Variants in CLTC observed in about 807,000 individuals in gnomAD.
CLTC encodes the protein clathrin heavy chain 1.
Under a neutral mutation model 195.8 loss-of-function variants are expected in CLTC, and 16 were observed. That is an observed-to-expected ratio of 0.08 (90% confidence interval 0.06 to 0.12). The LOEUF is 0.12. CLTC is among the 10% of genes least tolerant of loss of function. The probability of loss-of-function intolerance (pLI) is 1.00; values close to 1 mark genes in which losing one functional copy is unlikely to be tolerated. For missense variants in CLTC, 796 were observed against 2,027.0 expected (o/e 0.39, Z 11.66); for synonymous variants, 667 against 689.4 (o/e 0.97, Z 0.51).
At chr17:59,684,100 G>C in intron 28 of CLTC, 115 bp downstream of exon 28, 1 of 637,074 alleles carries the variant, frequency 1.6e-6, no homozygotes. Flanking sequence ...TGCATACCTA[G>C]GATCTAAATT....
chr17:59,623,847 A>C (rs2031460979), intron 1 of CLTC, among the ~76,000 whole-genome samples: 2 of 152,150 alleles, frequency 1.3e-5, no homozygotes, highest in African/African-American at 2.4e-5. Flanking sequence ...TGAAAAACTA[A>C]ATTTTTGCTT....
At chr17:59,651,068 G>A in intron 4 of CLTC, 135 bp from the exon 5 acceptor site, 1 of 597,340 alleles carries the variant, frequency 1.7e-6, no homozygotes, top group Non-Finnish European at 3.0e-6. Context: ...CCATGGTATG[G>A]ATGTAACCAA....
chr17:59,636,594 T>C (rs1339970010), intron 1 of CLTC, among the ~76,000 whole-genome samples: 1 of 151,776 alleles, frequency 6.6e-6, no homozygotes, highest in Admixed American at 6.6e-5. Context: ...CCTCAAGCTA[T>C]CCTCCCATCT....
intron 1 of CLTC, among the ~76,000 whole-genome samples, chr17:59,624,023 A>T (rs973968062): frequency 3.3e-5 from 5 of 152,242 alleles, no homozygotes; most frequent in African/African-American, 1.2e-4. Flanking sequence ...TAAAACACTC[A>T]TTGTTCAAAA....
chr17:59,693,948 C>T lies in CLTC; in HGVS notation c.*96C>T. 1 of 1,279,058 alleles carries T rather than the reference C, an allele frequency of 7.8e-7. No individual in the cohort carries two copies. The highest frequency in any genetic ancestry group is 1.9e-5 in the South Asian group (1 of 52,944). The allele number at this position is 1,279,058 out of a possible 1,614,324, so 79.2% of individuals were successfully genotyped here. On this transcript the variant is annotated 3_prime_UTR_variant, in exon 32 of 32. Coordinates refer to ENST00000269122, the MANE Select transcript of CLTC (RefSeq NM_004859.4). The stretch of plus-strand genomic sequence containing the variant: ...AATGGGGGAAAACAGGCAACGTGTT[C>T]TTGTAACCTTTATTTCATGAAGGAC...
intron 2 of CLTC, 77 bp from the exon 3 acceptor site, chr17:59,647,321 G>A (rs1490988923): frequency 1.7e-6 from 2 of 1,148,590 alleles, no homozygotes; most frequent in Non-Finnish European, 2.5e-6. Context: ...GTTTGGAAGT[G>A]ACAGAGCTAG....
At chr17:59,632,708 A>T (rs926630761) in intron 1 of CLTC, among the ~76,000 whole-genome samples, 22 of 152,198 alleles carry the variant, frequency 1.4e-4, no homozygotes, top group African/African-American at 5.1e-4. Context: ...TGACCAAAAA[A>T]ATCAAAGTAA....
intron 8 of CLTC, among the ~76,000 whole-genome samples, chr17:59,662,812 C>G (rs1232004647): frequency 2.6e-5 from 4 of 152,062 alleles, no homozygotes; most frequent in African/African-American, 9.7e-5. Flanking sequence ...TGGTGGCTTA[C>G]GCCTGTAATC....
intron 1 of CLTC, among the ~76,000 whole-genome samples, chr17:59,624,156 C>A: frequency 6.6e-6 from 1 of 152,056 alleles, no homozygotes; most frequent in South Asian, 2.1e-4. Context: ...TTCACTCAAT[C>A]CCCCCAGACA....
At chr17:59,647,910 T>C (rs2032236735) in intron 3 of CLTC, among the ~76,000 whole-genome samples, 2 of 152,178 alleles carry the variant, frequency 1.3e-5, no homozygotes, top group Non-Finnish European at 2.9e-5. Context: ...CGTTTTTAGC[T>C]CTTCTGTGGA....
chr17:59,684,470 T>C (rs1334113874), intron 28 of CLTC: 1 of 157,292 alleles, frequency 6.4e-6, no homozygotes, highest in East Asian at 1.9e-4. Flanking sequence ...TCTGTACTGC[T>C]GCCATGCTGA....
At chr17:59,669,690 C>T (rs1047351948) in intron 14 of CLTC, among the ~76,000 whole-genome samples, 45 of 149,648 alleles carry the variant, frequency 3.0e-4, no homozygotes, top group Non-Finnish European at 7.4e-5. Flanking sequence ...TAGATTACTG[C>T]TCTCTCACTG....
intron 15 of CLTC, among the ~76,000 whole-genome samples, chr17:59,674,145 G>A (rs1371159997): frequency 6.6e-6 from 1 of 151,460 alleles, no homozygotes; most frequent in Non-Finnish European, 1.5e-5. Flanking sequence ...CTCAGGGAAG[G>A]GGGAAAAAAA....
At position 59,648,125 on chromosome 17, in the gene CLTC, ATAAT is replaced by A. The variant is rs1445100251; in HGVS notation, c.520-112_520-109del. 4.0e-5 allele frequency: 41 copies of A among 1,027,798 alleles called. No homozygotes were observed. The East Asian group carries it at 9.3e-4, about 23-fold the overall frequency. The allele number at this position is 1,027,798 out of a possible 1,614,324, so 63.7% of individuals were successfully genotyped here. A position where few individuals can be genotyped will look rare whatever the true frequency, so the allele number is the denominator to read the frequency against. On this transcript the variant is annotated intron_variant, in intron 3 of 31. Coordinates refer to ENST00000269122, the MANE Select transcript of CLTC (RefSeq NM_004859.4). This position sits in a 1 kb window ranked among gnomAD's most constrained non-coding sequence, Gnocchi z 4.5. Reference sequence around the variant, plus strand: ...TCTACAGTGAGAGATGAAGTGACAAATAATTATAAATCCTGCTAAAGATGACAAA... The same window carrying A: ...TCTACAGTGAGAGATGAAGTGACAAATATAAATCCTGCTAAAGATGACAAA...
chr17:59,665,659 C>T (rs560710620), intron 10 of CLTC, among the ~76,000 whole-genome samples: 8 of 151,940 alleles, frequency 5.3e-5, no homozygotes, highest in African/African-American at 1.4e-4. Context: ...GCCAATATAG[C>T]GAAACCCTGT....
chr17:59,694,431 TA>T lies in CLTC; in HGVS notation c.*583del. The T allele has an allele frequency of 4.4e-6, 1 of 224,728 alleles. No individual in the cohort carries two copies. The highest frequency in any genetic ancestry group is 8.9e-6 in the Non-Finnish European group (1 of 112,486). The allele number at this position is 224,728 out of a possible 1,614,324, so 13.9% of individuals were successfully genotyped here. On this transcript the variant is annotated 3_prime_UTR_variant, in exon 32 of 32. Transcript: ENST00000269122. ...AACTTGCCTGATTTTTAAATGAGCG[TA>T]AAAGGCCCTCTAACCTATGCAGGTT...
chr17:59,693,381 A>T (rs148199969), intron 31 of CLTC, among the ~76,000 whole-genome samples: 1,422 of 129,734 alleles, frequency 0.011, 6 homozygotes, highest in African/African-American at 0.02. Flanking sequence ...TTTTTTTTTT[A>T]AAAAGTCTTT....
At chr17:59,663,364 C>CAT (rs1218974743) in intron 8 of CLTC, among the ~76,000 whole-genome samples, 1 of 152,182 alleles carries the variant, frequency 6.6e-6, no homozygotes, top group Non-Finnish European at 1.5e-5. Flanking sequence ...ATCCCTCAGA[C>CAT]ATATATAGGT....
At position 59,685,948 on chromosome 17, in the gene CLTC, A is replaced by T. The variant is rs527689735; in HGVS notation, c.4827+140A>T. ...CATAAAATATTCCTGTTCTTTTGAA[A>T]TTTTTTTTTAATAGCTGACAAATGA... is the stretch of plus-strand genomic sequence containing the variant. On this transcript the variant is annotated intron_variant, in intron 30 of 31. Transcript: ENST00000269122. The surrounding 1 kb of genome is among the most constrained non-coding windows in gnomAD (Gnocchi z 5.0). 2.0e-3 allele frequency: 1,302 copies of T among 647,266 alleles called. No homozygotes were observed. The highest frequency in any genetic ancestry group is 3.7e-3 in the East Asian group (124 of 33,610). 40.1% of individuals were successfully genotyped at this position (647,266 alleles called of 1,614,324 possible).
Sources: gnomAD v4.1 joint callset for allele counts (sites outside exome capture counted in the v4.1 genomes callset) on GRCh38, gnomAD v4.1.1 for gene constraint, Gnocchi (gnomAD v3.1) non-coding constraint, MANE v1.5 for transcripts, NCBI Gene and HGNC (gene_info 2026-07-23, HGNC 2026-07-21) for gene names.